UNC13C: variants seen among roughly 807,000 people sequenced by gnomAD.
The protein encoded by UNC13C is unc-13 homolog C.
Under a neutral mutation model 245.4 loss-of-function variants are expected in UNC13C, and 174 were observed. The ratio of observed to expected loss-of-function variants is 0.71; its 90% confidence interval spans 0.63 to 0.80. UNC13C has a LOEUF of 0.80. UNC13C is among the 30% of genes least tolerant of loss of function. The probability of loss-of-function intolerance (pLI) is 0.00; values close to 1 mark genes in which losing one functional copy is unlikely to be tolerated. For synonymous variants in UNC13C, 992 were observed against 895.1 expected (o/e 1.11, Z -1.93); for missense variants, 2,829 against 2,602.9 (o/e 1.09, Z -1.89).
chr15:54,057,135 T>C (rs140712539), intron 2 of UNC13C, among the ~76,000 whole-genome samples: 1,792 of 152,286 alleles, frequency 0.012, 39 homozygotes, highest in African/African-American at 0.041. Flanking sequence ...GTAAATGGGC[T>C]AAATGCTCCA....
chr15:53,851,982 A>T, the UNC13C span, among the ~76,000 whole-genome samples: 3 of 152,152 alleles, frequency 2.0e-5, no homozygotes, highest in Non-Finnish European at 2.9e-5. Context: ...TGCTTCCCTG[A>T]GTTCTGTGAG....
intron 30 of UNC13C, among the ~76,000 whole-genome samples, chr15:54,570,193 C>A (rs1897693038): frequency 6.6e-6 from 1 of 152,156 alleles, no homozygotes; most frequent in Non-Finnish European, 1.5e-5. Context: ...TATTTCATAT[C>A]AATTCCTGTC....
chr15:54,315,456 C>T (rs1293677846), intron 13 of UNC13C, among the ~76,000 whole-genome samples: 2 of 151,250 alleles, frequency 1.3e-5, no homozygotes, highest in Non-Finnish European at 3.0e-5. Context: ...TTTACTTTTA[C>T]CTATCTAGTA....
the UNC13C span, among the ~76,000 whole-genome samples, chr15:53,932,830 T>C: frequency 1.3e-5 from 2 of 152,174 alleles, no homozygotes; most frequent in Admixed American, 1.3e-4. Flanking sequence ...TTCAGAACTT[T>C]AAAACCCACA....
intron 18 of UNC13C, among the ~76,000 whole-genome samples, chr15:54,410,986 G>A (rs1008878982): frequency 9.9e-5 from 15 of 152,028 alleles, no homozygotes; most frequent in Admixed American, 9.8e-4. Context: ...ATGCTTGCAT[G>A]TTTGCTAGCC....
chr15:54,366,477 C>T (rs1341348063), intron 17 of UNC13C, among the ~76,000 whole-genome samples: 3 of 152,136 alleles, frequency 2.0e-5, no homozygotes, highest in Non-Finnish European at 4.4e-5. Flanking sequence ...TGCATATGAA[C>T]ACACATACAC....
At position 54,548,120 on chromosome 15, in the gene UNC13C, T is replaced by C. The variant is rs984767971; in HGVS notation, c.5820+1275T>C. The stretch of plus-strand genomic sequence containing the variant: ...CTGTCACAGATTGCAGGCTACCTTT[T>C]CCCGTCTGCTGGTAGCTCCACTTGC... On this transcript the variant is annotated intron_variant, in intron 27 of 32. Coordinates refer to ENST00000260323, the MANE Select transcript of UNC13C (RefSeq NM_001080534.3). Among the ~76,000 whole-genome samples, 24 of 151,898 alleles carry C rather than the reference T, an allele frequency of 1.6e-4. 1 individual carries two copies. Among genetic ancestry groups the C allele is most frequent in the Admixed American group, 9.2e-4 (14 of 15,232 alleles).
chr15:54,062,738 A>C (rs1026521174), intron 2 of UNC13C, among the ~76,000 whole-genome samples: 2 of 152,196 alleles, frequency 1.3e-5, no homozygotes, highest in African/African-American at 4.8e-5. Context: ...TAGAAACTCT[A>C]CTGGTAGAAC....
At position 54,046,378 on chromosome 15, in the gene UNC13C, C is replaced by T. The variant is rs181755630; in HGVS notation, c.2983+30492C>T. Among the ~76,000 whole-genome samples, 103 of 152,214 alleles carry T rather than the reference C, an allele frequency of 6.8e-4. 1 individual carries two copies. The highest frequency in any genetic ancestry group is 2.4e-3 in the African/African-American group (99 of 41,542). ...GTAATATATGAGTATGCTTGTTTTT[C>T]CAGAGTCTCATCAACAATGTATATT... On this transcript the variant is annotated intron_variant, in intron 2 of 32. Transcript: ENST00000260323.
intron 10 of UNC13C, among the ~76,000 whole-genome samples, chr15:54,272,453 C>T (rs1014619808): frequency 6.6e-6 from 1 of 152,152 alleles, no homozygotes; most frequent in African/African-American, 2.4e-5. Flanking sequence ...AGATTACCAG[C>T]AGTCTTTTCC....
intron 2 of UNC13C, among the ~76,000 whole-genome samples, chr15:54,060,956 G>C (rs148017091): frequency 6.6e-6 from 1 of 151,998 alleles, no homozygotes; most frequent in Admixed American, 6.5e-5. Flanking sequence ...ATCACACACC[G>C]GGGACTGTTG....
At chr15:54,080,416 T>G (rs1313531105) in intron 2 of UNC13C, among the ~76,000 whole-genome samples, 1 of 152,110 alleles carries the variant, frequency 6.6e-6, no homozygotes, top group Non-Finnish European at 1.5e-5. Flanking sequence ...TCTTTGTACA[T>G]CTGGTAGAAT....
At chr15:54,250,965 C>G (rs2036137307) in intron 8 of UNC13C, among the ~76,000 whole-genome samples, 1 of 151,814 alleles carries the variant, frequency 6.6e-6, no homozygotes. Flanking sequence ...ATCCTGTTAG[C>G]CAGGATGGTC....
chr15:54,594,781 T>A (rs1462902926), intron 30 of UNC13C, among the ~76,000 whole-genome samples: 4 of 152,122 alleles, frequency 2.6e-5, no homozygotes, highest in Non-Finnish European at 5.9e-5. Context: ...ACAGTAGGGA[T>A]GTGTGTTCGG....
intron 4 of UNC13C, among the ~76,000 whole-genome samples, chr15:54,230,431 T>C (rs4776215): frequency 0.49 from 74,419 of 151,758 alleles, 19,470 homozygotes; most frequent in African/African-American, 0.66. Context: ...AATCTGTATA[T>C]ATTCAATATG....
At chr15:53,864,132 A>G in the UNC13C span, among the ~76,000 whole-genome samples, 2 of 152,206 alleles carry the variant, frequency 1.3e-5, no homozygotes, top group Non-Finnish European at 2.9e-5. Context: ...ATAAATGACC[A>G]GCACTTGAAT....
At chr15:54,258,664 T>C (rs2036344327) in intron 8 of UNC13C, among the ~76,000 whole-genome samples, 1 of 152,156 alleles carries the variant, frequency 6.6e-6, no homozygotes, top group Non-Finnish European at 1.5e-5. Context: ...CCACCACTCC[T>C]GGCCTGAAGT....
Position 54,627,067 on chromosome 15 carries a change from T to C in UNC13C, c.6599T>C (p.Phe2200Ser). 1 of 1,612,924 alleles carries C rather than the reference T, an allele frequency of 6.2e-7. No individual in the cohort carries two copies. The highest frequency in any genetic ancestry group is 8.5e-7 in the Non-Finnish European group (1 of 1,179,362). The change falls in exon 33 of 33, where the codon TTT (phenylalanine) becomes TCT (serine). Residue 2200 changes from phenylalanine to serine, a missense_variant. Transcript: ENST00000260323. ...QRTSDDVAKE[F>S]VRLKSETRST... The stretch of plus-strand genomic sequence containing the variant: ...ACCAGTGATGATGTGGCTAAAGAAT[T>C]TGTAAGACTTAAATCTGAAACAAGA...
At chr15:54,138,394 G>A (rs2031840604) in intron 2 of UNC13C, among the ~76,000 whole-genome samples, 1 of 150,618 alleles carries the variant, frequency 6.6e-6, no homozygotes, top group South Asian at 2.1e-4. Context: ...ATAACATTAT[G>A]GGGATGTTTT....
Sources: gnomAD v4.1 joint callset for allele counts (sites outside exome capture counted in the v4.1 genomes callset) on GRCh38, gnomAD v4.1.1 for gene constraint, MANE v1.5 for transcripts, NCBI Gene and HGNC (gene_info 2026-07-23, HGNC 2026-07-21) for gene names.